Variants in MFHAS1 observed in about 807,000 individuals in gnomAD.
MFHAS1 encodes malignant fibrous histiocytoma-amplified sequence 1.
In MFHAS1, 50 loss-of-function variants were observed where a neutral mutation model predicts 70.4. That is an observed-to-expected ratio of 0.71 (90% CI 0.57 to 0.90). The LOEUF (loss-of-function observed/expected upper bound fraction) is 0.90, where lower values mean the gene tolerates loss of function less well. Ranked by LOEUF, MFHAS1 falls within the 40% of genes least tolerant of loss-of-function variation. The pLI is 0.00. For synonymous variants in MFHAS1, 952 were observed against 620.0 expected (o/e 1.54, Z -7.96); for missense variants, 1,795 against 1,347.6 (o/e 1.33, Z -5.20).
chr8:8,876,268 T>G (rs1019031486), intron 1 of MFHAS1, among the ~76,000 whole-genome samples: 5 of 152,210 alleles, frequency 3.3e-5, no homozygotes, highest in African/African-American at 1.2e-4. Context: ...ATTTGAAAAC[T>G]ACACAAAATC....
At chr8:8,889,727 C>A (rs754892252) in intron 1 of MFHAS1, among the ~76,000 whole-genome samples, 2 of 152,216 alleles carry the variant, frequency 1.3e-5, no homozygotes, top group Non-Finnish European at 2.9e-5. Context: ...ACATCGGACA[C>A]TGTCCAGAAT....
At chr8:8,840,917 C>T (rs1419241918) in intron 1 of MFHAS1, among the ~76,000 whole-genome samples, 1 of 152,174 alleles carries the variant, frequency 6.6e-6, no homozygotes, top group Non-Finnish European at 1.5e-5. Context: ...AAATGATACA[C>T]TTCTTACACA....
intron 1 of MFHAS1, among the ~76,000 whole-genome samples, chr8:8,865,789 T>A (rs1243635623): frequency 6.6e-6 from 1 of 152,190 alleles, no homozygotes; most frequent in Non-Finnish European, 1.5e-5. Context: ...ACACTTAGTG[T>A]CTTAGAAGAA....
chr8:8,884,646 G>C (rs1336164311), intron 1 of MFHAS1, among the ~76,000 whole-genome samples: 5 of 152,158 alleles, frequency 3.3e-5, no homozygotes, highest in Non-Finnish European at 1.5e-5. Context: ...GATTTTCACT[G>C]AGTGTGTGAA....
intron 1 of MFHAS1, among the ~76,000 whole-genome samples, chr8:8,880,348 G>C (rs1200193667): frequency 6.6e-6 from 1 of 152,150 alleles, no homozygotes; most frequent in Non-Finnish European, 1.5e-5. Context: ...CACAACACTG[G>C]GAATGTACTA....
At chr8:8,825,259 G>A (rs1168555155) in intron 1 of MFHAS1, among the ~76,000 whole-genome samples, 1 of 152,160 alleles carries the variant, frequency 6.6e-6, no homozygotes, top group African/African-American at 2.4e-5. Context: ...TGCAACCTCC[G>A]CCTCCCGGGT....
At chr8:8,826,680 C>G (rs1027523312) in intron 1 of MFHAS1, among the ~76,000 whole-genome samples, 2 of 152,216 alleles carry the variant, frequency 1.3e-5, no homozygotes, top group Admixed American at 6.5e-5. Context: ...CTGCAGTGAG[C>G]TGAGATCACG....
intron 1 of MFHAS1, among the ~76,000 whole-genome samples, chr8:8,823,846 C>A (rs1807055531): frequency 1.4e-5 from 2 of 138,486 alleles, no homozygotes; most frequent in Non-Finnish European, 3.1e-5. Flanking sequence ...CAGAGATGTG[C>A]CTGTCTCCAT....
At chr8:8,882,956 C>G (rs1809585651) in intron 1 of MFHAS1, among the ~76,000 whole-genome samples, 1 of 151,904 alleles carries the variant, frequency 6.6e-6, no homozygotes, top group Non-Finnish European at 1.5e-5. Flanking sequence ...AGTTTGAGAC[C>G]AGCCTGGCCA....
chr8:8,886,535 T>C (rs1809758587), intron 1 of MFHAS1, among the ~76,000 whole-genome samples: 1 of 152,122 alleles, frequency 6.6e-6, no homozygotes, highest in African/African-American at 2.4e-5. Flanking sequence ...CGTGGTCAAC[T>C]ACAGTAGGGC....
At chr8:8,870,092 G>C (rs546767959) in intron 1 of MFHAS1, among the ~76,000 whole-genome samples, 1 of 152,176 alleles carries the variant, frequency 6.6e-6, no homozygotes, top group South Asian at 2.1e-4. Flanking sequence ...CTTTAATTTA[G>C]CTTAACACCC....
intron 2 of MFHAS1, among the ~76,000 whole-genome samples, chr8:8,787,151 G>A (rs1347179129): frequency 1.3e-5 from 2 of 151,558 alleles, no homozygotes; most frequent in Non-Finnish European, 2.9e-5. Context: ...CGCAATCTCG[G>A]CTCACTGCAA....
chr8:8,884,135 G>C (rs1809658402), intron 1 of MFHAS1, among the ~76,000 whole-genome samples: 2 of 151,644 alleles, frequency 1.3e-5, no homozygotes, highest in South Asian at 2.1e-4. Context: ...TAAACTACTT[G>C]TGCAGAGATG....
chr8:8,833,236 G>T (rs1042267638), intron 1 of MFHAS1, among the ~76,000 whole-genome samples: 1 of 152,098 alleles, frequency 6.6e-6, no homozygotes, highest in Non-Finnish European at 1.5e-5. Flanking sequence ...TCAGCACTGG[G>T]GATTGCATTT....
rs148614452 is a variant in MFHAS1, at chr8:8,876,655, G to A, written c.2998+13406C>T. ...GCCTCCCAAAGTGCTGGGATTACAG[G>A]TGTGAGCCACCACACCTGGCCTATA... On this transcript the variant is annotated intron_variant, in intron 1 of 2. Coordinates refer to ENST00000276282, the MANE Select transcript of MFHAS1 (RefSeq NM_004225.3). Among the ~76,000 whole-genome samples, 346 of 152,048 alleles carry A rather than the reference G, an allele frequency of 2.3e-3. 12 individuals carry two copies. The East Asian group carries it at 0.057, about 25-fold the overall frequency.
At position 8,838,024 on chromosome 8, in the gene MFHAS1, C is replaced by G. The variant is rs113495574; in HGVS notation, c.2999-40533G>C. ...ATTTATAATCACCCCAAACTGGAAA[C>G]AGCCTCTATGTCTATCAGCTGGTGA... is the stretch of plus-strand genomic sequence containing the variant. On this transcript the variant is annotated intron_variant, in intron 1 of 2. Transcript: ENST00000276282. Among the ~76,000 whole-genome samples the G allele has an allele frequency of 2.4e-3, 360 of 152,310 alleles. 2 individuals carry two copies. Among genetic ancestry groups the G allele is most frequent in the African/African-American group, 8.3e-3 (345 of 41,570 alleles).
At chr8:8,789,062 A>G (rs1318935084) in intron 2 of MFHAS1, among the ~76,000 whole-genome samples, 2 of 151,990 alleles carry the variant, frequency 1.3e-5, no homozygotes, top group Non-Finnish European at 2.9e-5. Context: ...TTTGAAGGAC[A>G]AAAAGATAAG....
intron 1 of MFHAS1, among the ~76,000 whole-genome samples, chr8:8,840,404 C>T (rs1807770771): frequency 6.6e-6 from 1 of 150,618 alleles, no homozygotes; most frequent in East Asian, 2.0e-4. Context: ...TTGCAGTGAG[C>T]CGAGATTGTG....
intron 1 of MFHAS1, among the ~76,000 whole-genome samples, chr8:8,841,720 CT>C (rs1239352326): frequency 6.6e-6 from 1 of 152,156 alleles, no homozygotes; most frequent in Non-Finnish European, 1.5e-5. Flanking sequence ...TGGTTATACT[CT>C]TCCCTGCTCC....
Sources: gnomAD v4.1 joint callset for allele counts (sites outside exome capture counted in the v4.1 genomes callset) on GRCh38, gnomAD v4.1.1 for gene constraint, MANE v1.5 for transcripts, NCBI Gene and HGNC (gene_info 2026-07-23, HGNC 2026-07-21) for gene names.